Variants in PARP8 observed in about 807,000 individuals in gnomAD.
PARP8 encodes the protein poly(ADP-ribose) polymerase family member 8, also known as protein mono-ADP-ribosyltransferase PARP8.
A neutral mutation model predicts 124.1 loss-of-function variants in PARP8; 51 were observed. The observed-to-expected ratio is 0.41, with a 90% CI of 0.33 to 0.52. The LOEUF (loss-of-function observed/expected upper bound fraction) is 0.52. PARP8 is among the 20% of genes least tolerant of loss of function. The probability of loss-of-function intolerance (pLI) is 0.21; values close to 1 mark genes in which losing one functional copy is unlikely to be tolerated. For synonymous variants in PARP8, 391 were observed against 361.5 expected (o/e 1.08, Z -0.93); for missense variants, 860 against 1,018.9 (o/e 0.84, Z 2.12).
chr5:50,716,021 G>A (rs531407964), intron 2 of PARP8, among the ~76,000 whole-genome samples: 20 of 152,174 alleles, frequency 1.3e-4, no homozygotes, highest in African/African-American at 4.8e-4. Flanking sequence ...TGATGTTGTA[G>A]CAAGAATCCA....
chr5:50,824,797 A>C lies in PARP8; in HGVS notation c.1861-111A>C, dbSNP rs1359780256. On this transcript the variant is annotated intron_variant, in intron 17 of 25. Coordinates refer to ENST00000281631, the MANE Select transcript of PARP8 (RefSeq NM_024615.4). Reference sequence around the variant, plus strand: ...TTGTTGTTCCCATGTTAAGTCCATAAATTTTTAAGTCTTACTAGATTAGGC... The same window carrying C: ...TTGTTGTTCCCATGTTAAGTCCATACATTTTTAAGTCTTACTAGATTAGGC... 2.1e-5 allele frequency: 16 copies of C among 770,020 alleles called. No individual in the cohort carries two copies. In the East Asian group the frequency reaches 2.6e-4, roughly 13 times the overall value. The allele number at this position is 770,020 out of a possible 1,614,324, so 47.7% of individuals were successfully genotyped here. A position where few individuals can be genotyped will look rare whatever the true frequency, so the allele number is the denominator to read the frequency against.
At chr5:50,803,891 A>G (rs1273633939) in intron 14 of PARP8, among the ~76,000 whole-genome samples, 1 of 152,032 alleles carries the variant, frequency 6.6e-6, no homozygotes, top group Admixed American at 6.6e-5. Context: ...TGAAAACTGG[A>G]CATTTTAAAT....
intron 19 of PARP8, 90 bp downstream of exon 19, chr5:50,826,893 G>C: frequency 6.7e-7 from 1 of 1,501,000 alleles, no homozygotes; most frequent in Non-Finnish European, 8.9e-7. Flanking sequence ...TTTTTAGCCA[G>C]ACTCTCCAAG....
At chr5:50,752,245 G>A (rs1759339156) in intron 3 of PARP8, among the ~76,000 whole-genome samples, 1 of 152,096 alleles carries the variant, frequency 6.6e-6, no homozygotes, top group East Asian at 1.9e-4. Flanking sequence ...TCAATGTTGA[G>A]CTATGAGAAT....
intron 25 of PARP8, among the ~76,000 whole-genome samples, chr5:50,839,205 G>A (rs926692512): frequency 5.3e-5 from 8 of 151,444 alleles, no homozygotes; most frequent in Admixed American, 1.3e-4. Flanking sequence ...TTAATTTTTC[G>A]TTAAAATTTT....
chr5:50,802,351 T>C (rs1422548609), intron 14 of PARP8, among the ~76,000 whole-genome samples: 1 of 152,158 alleles, frequency 6.6e-6, no homozygotes, highest in Non-Finnish European at 1.5e-5. Context: ...TCTTGCTCTG[T>C]CCTCTAGACC....
At chr5:50,838,672 A>C (rs1407421464) in intron 25 of PARP8, among the ~76,000 whole-genome samples, 2 of 152,014 alleles carry the variant, frequency 1.3e-5, no homozygotes, top group African/African-American at 4.8e-5. Context: ...CTGATAGTTA[A>C]ATAGAAGCAT....
Position 50,667,117 on chromosome 5 carries a change from G to C in PARP8, c.22G>C (p.Glu8Gln). 2 of 1,596,394 alleles carry C rather than the reference G, an allele frequency of 1.3e-6. No individual in the cohort carries two copies. The highest frequency in any genetic ancestry group is 1.7e-6 in the Non-Finnish European group (2 of 1,179,760). The change falls in exon 1 of 26, where the codon GAG becomes CAG. Residue 8 changes from glutamate (E) to glutamine (Q), a missense_variant. By Grantham distance (29) the Glu-to-Gln change is conservative (BLOSUM62 2). Coordinates refer to ENST00000281631, the MANE Select transcript of PARP8 (RefSeq NM_024615.4). ...TTTAATGGGGATGTGTTCAAGGCAA[G>C]AGCGAATTCAGAAGGATATCGACGT... MGMCSRQ[E>Q]RIQKDIDVVI...
intron 2 of PARP8, among the ~76,000 whole-genome samples, chr5:50,737,675 T>G (rs1757609588): frequency 6.6e-6 from 1 of 152,206 alleles, no homozygotes; most frequent in African/African-American, 2.4e-5. Context: ...TGGGTCAACA[T>G]TCTGTCTTCT....
intron 14 of PARP8, among the ~76,000 whole-genome samples, chr5:50,810,615 T>C (rs1488084351): frequency 1.3e-5 from 2 of 152,076 alleles, no homozygotes; most frequent in African/African-American, 4.8e-5. Flanking sequence ...GAGAGACATC[T>C]AATCACTTAA....
chr5:50,820,349 C>T (rs1325294218), intron 15 of PARP8, among the ~76,000 whole-genome samples: 1 of 152,194 alleles, frequency 6.6e-6, no homozygotes, highest in African/African-American at 2.4e-5. Context: ...CTTGTGTTCA[C>T]ACTGTAGATA....
intron 14 of PARP8, among the ~76,000 whole-genome samples, chr5:50,802,796 A>G (rs32377): frequency 0.099 from 15,008 of 152,242 alleles, 794 homozygotes; most frequent in South Asian, 0.16. Flanking sequence ...AAATCAGGAA[A>G]AAAAATCAAA....
chr5:50,736,850 GC>G (rs1561307108), intron 2 of PARP8, among the ~76,000 whole-genome samples: 1 of 152,020 alleles, frequency 6.6e-6, no homozygotes, highest in African/African-American at 2.4e-5. Flanking sequence ...CAAAAAACCT[GC>G]AGTGAGAGTA....
intron 19 of PARP8, 95 bp from the exon 20 acceptor site, chr5:50,827,849 G>A: frequency 1.2e-6 from 1 of 848,778 alleles, no homozygotes; most frequent in Non-Finnish European, 1.9e-6. Context: ...GTTTGAAAGT[G>A]GGTAATTCTT....
In PARP8 at chr5:50,828,007, T is replaced by C; in HGVS notation, c.2041T>C (p.Ser681Pro). ...LLLSSPPAKE[S>P]NFRAAKKLFG... is the part of the protein sequence containing the mutation. ...TCTCAGCAGTCCACCAGCCAAAGAA[T>C]CCAATTTTAGAGCTGCTAAAAAACT... The change falls in exon 20 of 26, where the codon TCC (serine) becomes CCC (proline). Residue 681 changes from serine to proline, a missense_variant. Transcript: ENST00000281631. 6.2e-7 allele frequency: 1 copy of C among 1,613,830 alleles called. No homozygotes were observed. The highest frequency in any genetic ancestry group is 8.5e-7 in the Non-Finnish European group (1 of 1,179,814).
intron 1 of PARP8, 31 bp from the exon 2 acceptor site, chr5:50,668,040 G>T: frequency 6.2e-7 from 1 of 1,611,962 alleles, no homozygotes; most frequent in South Asian, 1.1e-5. Flanking sequence ...TCCACTCCAG[G>T]GGTAGCTTTT....
intron 5 of PARP8, among the ~76,000 whole-genome samples, chr5:50,761,415 A>C (rs1309236913): frequency 6.6e-6 from 1 of 151,836 alleles, no homozygotes; most frequent in Non-Finnish European, 1.5e-5. Flanking sequence ...CTTTTTTTTC[A>C]TACCATTGTT....
At chr5:50,787,719 G>A (rs961785981) in intron 9 of PARP8, among the ~76,000 whole-genome samples, 3 of 151,744 alleles carry the variant, frequency 2.0e-5, no homozygotes, top group African/African-American at 7.3e-5. Flanking sequence ...AAAAATGAGC[G>A]ACTTTTTTGA....
intron 2 of PARP8, among the ~76,000 whole-genome samples, chr5:50,720,823 C>G (rs770809408): frequency 3.3e-5 from 5 of 151,980 alleles, no homozygotes; most frequent in East Asian, 1.9e-4. Flanking sequence ...CTTCCCCTTA[C>G]CATAACTATT....
Sources: gnomAD v4.1 joint callset for allele counts (sites outside exome capture counted in the v4.1 genomes callset) on GRCh38, gnomAD v4.1.1 for gene constraint, MANE v1.5 for transcripts, NCBI Gene and HGNC (gene_info 2026-07-23, HGNC 2026-07-21) for gene names.